Variants in TECRL observed in about 807,000 individuals in gnomAD.
TECRL encodes the protein trans-2,3-enoyl-CoA reductase like, also known as trans-2,3-enoyl-CoA reductase-like.
Under a neutral mutation model 52.8 loss-of-function variants are expected in TECRL, and 63 were observed. That is an observed-to-expected ratio of 1.19 (90% confidence interval 0.97 to 1.47). The LOEUF is 1.47. Ranked by LOEUF, TECRL falls within the 40% of genes most tolerant of loss-of-function variation. The probability of loss-of-function intolerance (pLI) is 0.00; values close to 1 mark genes in which losing one functional copy is unlikely to be tolerated. For synonymous variants in TECRL, 164 were observed against 141.9 expected (o/e 1.16, Z -1.10); for missense variants, 482 against 429.6 (o/e 1.12, Z -1.08).
intron 1 of TECRL, among the ~76,000 whole-genome samples, chr4:64,380,563 T>G (rs1019637682): frequency 6.6e-6 from 1 of 152,092 alleles, no homozygotes; most frequent in African/African-American, 2.4e-5. Flanking sequence ...CAATCAATTT[T>G]CAGTTGAGTT....
chr4:64,396,284 C>T (rs1204550836), intron 1 of TECRL, among the ~76,000 whole-genome samples: 1 of 152,152 alleles, frequency 6.6e-6, no homozygotes, highest in East Asian at 1.9e-4. Flanking sequence ...TACATTTCCA[C>T]CAGGAGTACA....
intron 4 of TECRL, among the ~76,000 whole-genome samples, chr4:64,319,555 A>G (rs955914769): frequency 6.6e-6 from 1 of 151,920 alleles, no homozygotes; most frequent in Admixed American, 6.6e-5. Flanking sequence ...AACCACATAT[A>G]CAAGGACTCG....
chr4:64,325,568 A>G (rs1718207565), intron 3 of TECRL, among the ~76,000 whole-genome samples: 1 of 152,206 alleles, frequency 6.6e-6, no homozygotes, highest in Non-Finnish European at 1.5e-5. Flanking sequence ...TAAATTTGTT[A>G]CATAGCAATA....
At chr4:64,338,898 A>T (rs1021154850) in intron 2 of TECRL, among the ~76,000 whole-genome samples, 4 of 152,194 alleles carry the variant, frequency 2.6e-5, no homozygotes, top group Non-Finnish European at 4.4e-5. Flanking sequence ...ATCTAGAACT[A>T]GAAATACCAT....
At chr4:64,384,475 T>C (rs1723036551) in intron 1 of TECRL, among the ~76,000 whole-genome samples, 1 of 152,068 alleles carries the variant, frequency 6.6e-6, no homozygotes, top group Non-Finnish European at 1.5e-5. Context: ...AAGAGGCACA[T>C]GCAGGCACTG....
rs747155094 is a variant in TECRL, at chr4:64,322,679, T to C, written c.435+10A>G. The C allele has an allele frequency of 2.1e-5, 33 of 1,562,432 alleles. No individual in the cohort carries two copies. The highest frequency in any genetic ancestry group is 2.9e-5 in the Non-Finnish European group (33 of 1,150,248). On this transcript the variant is annotated intron_variant, in intron 4 of 11. Transcript: ENST00000381210. ...GAGAAATGTATATTACATTTCAAATTAACACTTACTGTGGTCCAACTGACT... is the reference window on the plus strand; with the variant it reads ...GAGAAATGTATATTACATTTCAAATCAACACTTACTGTGGTCCAACTGACT...
chr4:64,394,907 ATTTTTTTTT>A (rs751448355), intron 1 of TECRL, among the ~76,000 whole-genome samples: 56 of 105,100 alleles, frequency 5.3e-4, no homozygotes, highest in African/African-American at 2.2e-3. Context: ...ATTAACAAGC[ATTTTTTTTT>A]TTTTTTTTTT....
At chr4:64,366,552 T>A (rs926411101) in intron 2 of TECRL, among the ~76,000 whole-genome samples, 2 of 151,690 alleles carry the variant, frequency 1.3e-5, no homozygotes, top group East Asian at 3.9e-4. Context: ...AGCAGGAACT[T>A]AAACAATTGA....
intron 4 of TECRL, among the ~76,000 whole-genome samples, chr4:64,322,453 TAA>T (rs77102922): frequency 3.4e-4 from 39 of 114,590 alleles, no homozygotes; most frequent in Non-Finnish European, 4.4e-4. Context: ...GGGTTGACTT[TAA>T]AAAAAAAAAA....
At chr4:64,285,147 T>C (rs909230093) in intron 9 of TECRL, among the ~76,000 whole-genome samples, 1 of 152,126 alleles carries the variant, frequency 6.6e-6, no homozygotes, top group Non-Finnish European at 1.5e-5. Flanking sequence ...GAAGCTTTCT[T>C]TCAACTGTCA....
chr4:64,356,362 C>T (rs1041080668), intron 2 of TECRL, among the ~76,000 whole-genome samples: 1 of 152,008 alleles, frequency 6.6e-6, no homozygotes, highest in Non-Finnish European at 1.5e-5. Flanking sequence ...AGAGGAAGGC[C>T]ACTGTCTCTT....
intron 2 of TECRL, among the ~76,000 whole-genome samples, chr4:64,370,093 G>A (rs374619725): frequency 2.6e-5 from 4 of 152,006 alleles, no homozygotes; most frequent in African/African-American, 9.6e-5. Flanking sequence ...AACAAACATG[G>A]AGAAAGGTAT....
Position 64,278,581 on chromosome 4 carries a change from T to C in TECRL, c.*1491A>G, listed in dbSNP as rs1255517549. Reference sequence around the variant, plus strand: ...CAGATCAGAGAAATTAGAGTATCCATGGTTTCAAATATTTATCATTTCTTT... The same window carrying C: ...CAGATCAGAGAAATTAGAGTATCCACGGTTTCAAATATTTATCATTTCTTT... On this transcript the variant is annotated 3_prime_UTR_variant, in exon 12 of 12. Transcript: ENST00000381210. 6.4e-6 allele frequency: 1 copy of C among 156,108 alleles called. No individual in the cohort carries two copies. Among genetic ancestry groups the C allele is most frequent in the African/African-American group, 2.4e-5 (1 of 41,530 alleles). 9.7% of individuals were successfully genotyped at this position (156,108 alleles called of 1,614,324 possible).
chr4:64,319,249 C>T (rs995094737), intron 4 of TECRL, among the ~76,000 whole-genome samples: 22 of 151,324 alleles, frequency 1.5e-4, no homozygotes, highest in African/African-American at 4.8e-4. Flanking sequence ...TTATAGAACA[C>T]GTGAGACAAA....
chr4:64,317,092 C>A (rs1717551255), intron 4 of TECRL, among the ~76,000 whole-genome samples: 1 of 152,064 alleles, frequency 6.6e-6, no homozygotes, highest in South Asian at 2.1e-4. Context: ...TCCTGGCTAA[C>A]ACGGTGAAAC....
chr4:64,338,097 G>A (rs1185391500), intron 2 of TECRL, among the ~76,000 whole-genome samples: 1 of 152,038 alleles, frequency 6.6e-6, no homozygotes, highest in Admixed American at 6.5e-5. Flanking sequence ...TAGACCAATG[G>A]AACAGAACAG....
At chr4:64,354,706 A>G (rs1720643118) in intron 2 of TECRL, among the ~76,000 whole-genome samples, 1 of 152,176 alleles carries the variant, frequency 6.6e-6, no homozygotes, top group Non-Finnish European at 1.5e-5. Context: ...GTATTGACCA[A>G]CTAGTAATAG....
chr4:64,321,771 A>G (rs543998883), intron 4 of TECRL, among the ~76,000 whole-genome samples: 70 of 152,196 alleles, frequency 4.6e-4, no homozygotes, highest in African/African-American at 1.6e-3. Flanking sequence ...TGATTTTAAC[A>G]CCTGCTATTT....
At chr4:64,289,964 A>G (rs149274209) in intron 8 of TECRL, among the ~76,000 whole-genome samples, 197 bp from the exon 9 acceptor site, 150 of 152,284 alleles carry the variant, frequency 9.9e-4, no homozygotes, top group African/African-American at 3.4e-3. Context: ...ATATTGAATA[A>G]AAAGTCACAA....
Sources: allele counts gnomAD v4.1 joint callset (sites outside exome capture counted in the v4.1 genomes callset), GRCh38; gene constraint gnomAD v4.1.1; transcripts MANE v1.5; gene names NCBI Gene and HGNC (gene_info 2026-07-23, HGNC 2026-07-21).